Variants in HS3ST4 observed in about 807,000 individuals in gnomAD.
The protein encoded by HS3ST4 is heparan sulfate-glucosamine 3-sulfotransferase 4, also known as heparan sulfate glucosamine 3-O-sulfotransferase 4.
HS3ST4 carries 17 observed loss-of-function variants against 29.2 expected under a neutral mutation model. That is an observed-to-expected ratio of 0.58 (90% CI 0.40 to 0.87). HS3ST4 has a LOEUF of 0.87. Among genes scored for constraint, HS3ST4 ranks in the 40% least tolerant of loss-of-function variants. The pLI is 0.00. For missense variants in HS3ST4, 627 were observed against 634.5 expected (o/e 0.99, Z 0.13); for synonymous variants, 314 against 285.7 (o/e 1.10, Z -1.00).
In HS3ST4 at chr16:26,064,200, G is replaced by T. The variant is rs889030837; in HGVS notation, c.735-71412G>T. ...TCTCTCTCCAATAGATGTCATACAG[G>T]AGGGAATGCCCAGTGTAGCCAAATC... On this transcript the variant is annotated intron_variant, in intron 1 of 1. Transcript: ENST00000331351. 1.1e-4 allele frequency among the ~76,000 whole-genome samples: 16 copies of T among 152,178 alleles called. 1 individual carries two copies. The highest frequency in any genetic ancestry group is 7.2e-4 in the Admixed American group (11 of 15,278).
chr16:25,815,604 T>TGAGCTACTGTGCCCGGCCATAAGTA (rs1339165211), intron 1 of HS3ST4, among the ~76,000 whole-genome samples: 4 of 152,180 alleles, frequency 2.6e-5, no homozygotes, highest in African/African-American at 9.7e-5. Flanking sequence ...ATTCCAGGCA[T>TGAGCTACTGTGCCCGGCCATAAGTA]GAGCTACTGT....
intron 1 of HS3ST4, among the ~76,000 whole-genome samples, chr16:25,994,671 T>C (rs1292569758): frequency 6.6e-6 from 1 of 152,228 alleles, no homozygotes; most frequent in African/African-American, 2.4e-5. Context: ...ATCTAAACTG[T>C]ACCAAAATAC....
intron 1 of HS3ST4, among the ~76,000 whole-genome samples, chr16:26,075,349 A>G (rs1265450677): frequency 6.6e-6 from 1 of 152,210 alleles, no homozygotes; most frequent in East Asian, 1.9e-4. Flanking sequence ...CTCTATGACC[A>G]TCATTAACAA....
At chr16:25,834,459 GA>G (rs139950696) in intron 1 of HS3ST4, among the ~76,000 whole-genome samples, 3,326 of 152,242 alleles carry the variant, frequency 0.022, 122 homozygotes, top group African/African-American at 0.075. Context: ...AATGAATTGT[GA>G]TATATTCTTA....
rs1179096107 is a variant in HS3ST4 at position 25,786,445 on chromosome 16, A to T, written c.734+93294A>T. Among the ~76,000 whole-genome samples, 6 of 152,230 alleles carry T rather than the reference A, an allele frequency of 3.9e-5. No homozygotes were observed. The East Asian group carries it at 1.2e-3, about 29-fold the overall frequency. ...CAACATTTAGGCCAGTGTTCTGCAG[A>T]TAGTAAGTACTCAATCAGGTTACCA... On this transcript the variant is annotated intron_variant, in intron 1 of 1. Coordinates refer to ENST00000331351, the MANE Select transcript of HS3ST4 (RefSeq NM_006040.3).
intron 1 of HS3ST4, among the ~76,000 whole-genome samples, chr16:26,010,099 A>T (rs748407534): frequency 1.2e-4 from 19 of 152,328 alleles, no homozygotes; most frequent in Middle Eastern, 6.8e-3. Context: ...GGTCTTTAAG[A>T]GGTCTATAGA....
intron 1 of HS3ST4, among the ~76,000 whole-genome samples, chr16:25,705,168 TA>T (rs149154226): frequency 0.015 from 2,304 of 152,316 alleles, 56 homozygotes; most frequent in African/African-American, 0.053. Flanking sequence ...AATTGCCATA[TA>T]ATAATCAGGC....
intron 1 of HS3ST4, among the ~76,000 whole-genome samples, chr16:26,049,674 C>T (rs1203493243): frequency 6.6e-6 from 1 of 152,054 alleles, no homozygotes; most frequent in African/African-American, 2.4e-5. Flanking sequence ...ATTCTGACAC[C>T]ATCTACCTGG....
chr16:25,750,739 C>T (rs1966713333), intron 1 of HS3ST4, among the ~76,000 whole-genome samples: 1 of 152,162 alleles, frequency 6.6e-6, no homozygotes, highest in African/African-American at 2.4e-5. Flanking sequence ...TGTGTGTGTG[C>T]ATGTGAACGT....
At chr16:26,011,676 T>TTG (rs375796518) in intron 1 of HS3ST4, among the ~76,000 whole-genome samples, 14,299 of 133,224 alleles carry the variant, frequency 0.11, 789 homozygotes, top group Non-Finnish European at 0.14. Context: ...AGGTATATGT[T>TTG]TGTGTGTGTG....
chr16:25,775,896 A>G (rs1966847168), intron 1 of HS3ST4, among the ~76,000 whole-genome samples: 3 of 152,222 alleles, frequency 2.0e-5, no homozygotes, highest in South Asian at 4.1e-4. Flanking sequence ...AACTCCGCAT[A>G]CAGTCTTAGT....
At chr16:25,865,552 C>T (rs1408635220) in intron 1 of HS3ST4, among the ~76,000 whole-genome samples, 1 of 152,186 alleles carries the variant, frequency 6.6e-6, no homozygotes, top group Non-Finnish European at 1.5e-5. Flanking sequence ...AGAGGCATCA[C>T]ACTACCTGAT....
At chr16:26,052,796 C>T (rs2141766552) in intron 1 of HS3ST4, among the ~76,000 whole-genome samples, 1 of 152,376 alleles carries the variant, frequency 6.6e-6, no homozygotes, top group Non-Finnish European at 1.5e-5. Context: ...GCTTCTTGGA[C>T]TCTGAACTGG....
At chr16:25,869,478 G>T (rs960191072) in intron 1 of HS3ST4, among the ~76,000 whole-genome samples, 2 of 152,070 alleles carry the variant, frequency 1.3e-5, no homozygotes, top group African/African-American at 2.4e-5. Context: ...ACCTCTTTTT[G>T]ATTTTTTTTC....
intron 1 of HS3ST4, among the ~76,000 whole-genome samples, chr16:26,029,499 G>A (rs190770656): frequency 6.1e-4 from 93 of 151,850 alleles, no homozygotes; most frequent in African/African-American, 2.2e-3. Context: ...TGCAACCTCC[G>A]ATTCCTGGGT....
chr16:25,964,177 T>TA (rs35421168), intron 1 of HS3ST4, among the ~76,000 whole-genome samples: 35,849 of 135,606 alleles, frequency 0.26, 4,701 homozygotes, highest in Non-Finnish European at 0.32. Flanking sequence ...CTCCATCTCA[T>TA]AAAAAAAAAA....
chr16:25,939,292 A>G (rs1968549971), intron 1 of HS3ST4, among the ~76,000 whole-genome samples: 1 of 150,664 alleles, frequency 6.6e-6, no homozygotes, highest in Non-Finnish European at 1.5e-5. Context: ...CAACTTTTAA[A>G]TGCTGACAGC....
At chr16:25,852,654 A>C (rs1967533438) in intron 1 of HS3ST4, among the ~76,000 whole-genome samples, 1 of 152,002 alleles carries the variant, frequency 6.6e-6, no homozygotes, top group African/African-American at 2.4e-5. Flanking sequence ...AGGATGGAAA[A>C]AATTTCTCCT....
chr16:25,723,688 T>G (rs938212158), intron 1 of HS3ST4, among the ~76,000 whole-genome samples: 2 of 152,254 alleles, frequency 1.3e-5, no homozygotes, highest in Non-Finnish European at 2.9e-5. Context: ...TCAGATGCTT[T>G]TCTTCTTCAG....
Sources: allele counts gnomAD v4.1 joint callset (sites outside exome capture counted in the v4.1 genomes callset), GRCh38; gene constraint gnomAD v4.1.1; transcripts MANE v1.5; gene names NCBI Gene and HGNC (gene_info 2026-07-23, HGNC 2026-07-21).